The following SPIDR variants were observed in gnomAD, a reference collection of about 807,000 sequenced individuals.
SPIDR encodes scaffold protein involved in DNA repair, also known as DNA repair-scaffolding protein.
A neutral mutation model predicts 104.6 loss-of-function variants in SPIDR; 93 were observed. The observed-to-expected ratio is 0.89, with a 90% CI of 0.75 to 1.06. The LOEUF (loss-of-function observed/expected upper bound fraction) is 1.06, where lower values mean the gene tolerates loss of function less well. SPIDR is among the 50% of genes least tolerant of loss of function. The pLI is 0.00. For synonymous variants in SPIDR, 431 were observed against 416.9 expected (o/e 1.03, Z -0.41); for missense variants, 1,154 against 1,111.2 (o/e 1.04, Z -0.55).
chr8:47,723,052 G>C (rs570181582), intron 16 of SPIDR, among the ~76,000 whole-genome samples: 1 of 152,148 alleles, frequency 6.6e-6, no homozygotes, highest in Non-Finnish European at 1.5e-5. Flanking sequence ...TGTTGTTGTT[G>C]ACACAGAGTT....
Position 47,356,013 on chromosome 8 carries a change from C to CT in SPIDR, c.526-40362dup, listed in dbSNP as rs528148545. On this transcript the variant is annotated intron_variant, in intron 5 of 19. Coordinates refer to ENST00000297423, the MANE Select transcript of SPIDR (RefSeq NM_001080394.4). ...TTATTTACCTCTCTCCCCAAATAGG[C>CT]TGCAGGTTCCTTGAGGGCCAGGATC... Among the ~76,000 whole-genome samples the CT allele has an allele frequency of 1.1e-4, 16 of 152,206 alleles. No individual in the cohort carries two copies. The South Asian group carries it at 2.7e-3, about 26-fold the overall frequency.
intron 7 of SPIDR, among the ~76,000 whole-genome samples, chr8:47,435,193 T>C (rs1246398252): frequency 6.6e-6 from 1 of 151,810 alleles, no homozygotes; most frequent in Non-Finnish European, 1.5e-5. Flanking sequence ...AGCTGGGGGG[T>C]CTCACTGTGC....
intron 8 of SPIDR, among the ~76,000 whole-genome samples, chr8:47,579,854 A>G (rs997260486): frequency 6.6e-6 from 1 of 152,050 alleles, no homozygotes; most frequent in African/African-American, 2.4e-5. Context: ...TTGTGGCAGG[A>G]TCTTCCTTAC....
chr8:47,685,505 A>ATTTTTTTTTTTTTTTTTTT (rs201735323), intron 11 of SPIDR, among the ~76,000 whole-genome samples: 2 of 104,440 alleles, frequency 1.9e-5, no homozygotes, highest in African/African-American at 2.7e-5. Flanking sequence ...TTATTTATTT[A>ATTTTTTTTTTTTTTTTTTT]TTTATTTATT....
At position 47,701,728 on chromosome 8, in the gene SPIDR, C is replaced by G; in HGVS notation, c.1781C>G (p.Thr594Ser). 1 of 1,613,922 alleles carries G rather than the reference C, an allele frequency of 6.2e-7. No homozygotes were observed. Among genetic ancestry groups the G allele is most frequent in the East Asian group, 2.2e-5 (1 of 44,862 alleles). The change falls in exon 13 of 20, where the codon ACT becomes AGT. Residue 594 changes from threonine (T) to serine (S), a missense_variant. Transcript: ENST00000297423. The stretch of plus-strand genomic sequence containing the variant: ...TTTGTCTCATTTAAACAGATAAAAA[C>G]TCATCTGCCTCCTCCAGCCTTGTGT... Reference protein sequence around the residue: ...GRDQPCEEIKTHLPPPALCYI... With the variant: ...GRDQPCEEIKSHLPPPALCYI...
chr8:47,334,825 CTTATTT>C (rs1333525305), intron 5 of SPIDR, among the ~76,000 whole-genome samples: 3 of 151,982 alleles, frequency 2.0e-5, no homozygotes, highest in African/African-American at 7.2e-5. Flanking sequence ...GTCCTTTGTT[CTTATTT>C]TTATTTTCCA....
At chr8:47,300,868 A>C (rs1241955167) in intron 5 of SPIDR, among the ~76,000 whole-genome samples, 2 of 151,988 alleles carry the variant, frequency 1.3e-5, no homozygotes, top group African/African-American at 2.4e-5. Flanking sequence ...TTACTTCCAA[A>C]TATGTGGTCA....
chr8:47,291,558 C>T (rs1373140264), intron 4 of SPIDR, among the ~76,000 whole-genome samples: 1 of 152,184 alleles, frequency 6.6e-6, no homozygotes, highest in African/African-American at 2.4e-5. Flanking sequence ...TTTACTGAGT[C>T]CCACCCTCTA....
At chr8:47,422,225 G>A (rs924702285) in intron 7 of SPIDR, among the ~76,000 whole-genome samples, 5 of 152,212 alleles carry the variant, frequency 3.3e-5, no homozygotes, top group African/African-American at 1.2e-4. Context: ...TACAGAGGCA[G>A]GCAGGCCTCC....
chr8:47,504,680 A>T (rs1388123946), intron 8 of SPIDR, among the ~76,000 whole-genome samples: 1 of 152,062 alleles, frequency 6.6e-6, no homozygotes, highest in African/African-American at 2.4e-5. Context: ...GCTGGTGAGG[A>T]GCTGTGTTCC....
At position 47,567,227 on chromosome 8, in the gene SPIDR, A is replaced by ATT. The variant is rs1330218240; in HGVS notation, c.1098-28577_1098-28576dup. Among the ~76,000 whole-genome samples the ATT allele has an allele frequency of 1.3e-3, 193 of 150,062 alleles. 1 individual carries two copies. Among genetic ancestry groups the ATT allele is most frequent in the African/African-American group, 3.2e-3 (133 of 41,058 alleles). On this transcript the variant is annotated intron_variant, in intron 8 of 19. Coordinates refer to ENST00000297423, the MANE Select transcript of SPIDR (RefSeq NM_001080394.4). The stretch of plus-strand genomic sequence containing the variant: ...GAGGATAAACTATATATATATATAT[A>ATT]TTTTTTTTCTTTTTTTAGTTTTGCT...
intron 6 of SPIDR, among the ~76,000 whole-genome samples, chr8:47,401,738 G>T (rs1476668181): frequency 6.6e-6 from 1 of 152,158 alleles, no homozygotes; most frequent in African/African-American, 2.4e-5. Context: ...AGACAAAGAA[G>T]GCCATTACAT....
At chr8:47,549,909 T>C (rs944063766) in intron 8 of SPIDR, among the ~76,000 whole-genome samples, 2 of 152,240 alleles carry the variant, frequency 1.3e-5, no homozygotes, top group African/African-American at 2.4e-5. Flanking sequence ...GTCTAACATT[T>C]AAGTCTTTAA....
chr8:47,490,035 C>G (rs2078404916), intron 8 of SPIDR, among the ~76,000 whole-genome samples: 1 of 152,134 alleles, frequency 6.6e-6, no homozygotes, highest in Admixed American at 6.5e-5. Flanking sequence ...TTCTGCACAG[C>G]AAAAGAAACT....
In SPIDR at chr8:47,736,150, T is replaced by C. The variant is rs1358701760; in HGVS notation, c.*700T>C. 6.5e-6 allele frequency: 1 copy of C among 154,226 alleles called. No homozygotes were observed. Among genetic ancestry groups the C allele is most frequent in the South Asian group, 2.0e-4 (1 of 5,018 alleles). 9.6% of individuals were successfully genotyped at this position (154,226 alleles called of 1,614,324 possible). A position where few individuals can be genotyped will look rare whatever the true frequency, so the allele number is the denominator to read the frequency against. ...CGGATATTTGCTTTGCTGGCAAAGA[T>C]TTAAACCAAGAATTAATTATCTTTG... On this transcript the variant is annotated 3_prime_UTR_variant, in exon 20 of 20. Coordinates refer to ENST00000297423, the MANE Select transcript of SPIDR (RefSeq NM_001080394.4).
chr8:47,628,974 G>T (rs148142272), intron 10 of SPIDR, among the ~76,000 whole-genome samples: 2 of 152,292 alleles, frequency 1.3e-5, no homozygotes, highest in African/African-American at 2.4e-5. Flanking sequence ...TTGCAAAAAT[G>T]AGTTTAGGGC....
intron 10 of SPIDR, among the ~76,000 whole-genome samples, chr8:47,601,877 C>T (rs772752457): frequency 2.0e-5 from 3 of 152,120 alleles, no homozygotes; most frequent in Non-Finnish European, 4.4e-5. Flanking sequence ...GAGGACAGGG[C>T]TGCTGAGATG....
chr8:47,690,246 A>G (rs1563554787), intron 11 of SPIDR, among the ~76,000 whole-genome samples: 2 of 151,402 alleles, frequency 1.3e-5, no homozygotes, highest in African/African-American at 2.4e-5. Flanking sequence ...GGAGCTCTTC[A>G]TTTCCTGTGA....
intron 5 of SPIDR, among the ~76,000 whole-genome samples, chr8:47,386,219 G>A (rs927998274): frequency 3.3e-5 from 5 of 152,048 alleles, no homozygotes; most frequent in Admixed American, 3.3e-4. Context: ...GTCTATTCCT[G>A]TGTTGGTACC....
Sources: gnomAD v4.1 joint callset for allele counts (sites outside exome capture counted in the v4.1 genomes callset) on GRCh38, gnomAD v4.1.1 for gene constraint, MANE v1.5 for transcripts, NCBI Gene and HGNC (gene_info 2026-07-23, HGNC 2026-07-21) for gene names.